The following ZNF438 variants were observed in gnomAD, a reference collection of about 807,000 sequenced individuals.
The protein encoded by ZNF438 is zinc finger protein 438.
ZNF438 carries 25 observed loss-of-function variants against 38.0 expected under a neutral mutation model. That is an observed-to-expected ratio of 0.66 (90% CI 0.48 to 0.92). ZNF438 has a LOEUF of 0.92. ZNF438 is among the 40% of genes least tolerant of loss of function. The pLI is 0.00. For synonymous variants in ZNF438, 372 were observed against 364.1 expected (o/e 1.02, Z -0.25); for missense variants, 1,007 against 999.6 (o/e 1.01, Z -0.10).
chr10:30,890,752 CAG>C (rs2040578493), intron 3 of ZNF438, among the ~76,000 whole-genome samples: 1 of 152,244 alleles, frequency 6.6e-6, no homozygotes, highest in African/African-American at 2.4e-5. Context: ...TCCTCTTCCT[CAG>C]AGACATGCAC....
At chr10:30,934,852 A>G (rs2046070746) in intron 2 of ZNF438, among the ~76,000 whole-genome samples, 1 of 152,234 alleles carries the variant, frequency 6.6e-6, no homozygotes, top group Admixed American at 6.5e-5. Flanking sequence ...ATATGTTGCC[A>G]GGACATTATC....
chr10:30,848,185 ACTCT>A (rs1239806555), intron 5 of ZNF438, among the ~76,000 whole-genome samples: 1 of 152,210 alleles, frequency 6.6e-6, no homozygotes, highest in African/African-American at 2.4e-5. Flanking sequence ...AGACCCACCC[ACTCT>A]GAGTCCCCAA....
intron 1 of ZNF438, among the ~76,000 whole-genome samples, chr10:30,983,450 C>A (rs1188089110): frequency 6.6e-6 from 1 of 152,052 alleles, no homozygotes. Flanking sequence ...GTGTTACACA[C>A]TTTTAAACAA....
chr10:30,951,493 G>A (rs993698104), intron 1 of ZNF438, among the ~76,000 whole-genome samples: 12 of 152,284 alleles, frequency 7.9e-5, no homozygotes, highest in South Asian at 4.1e-4. Context: ...TGTATATCCA[G>A]AAAACCCCAT....
intron 1 of ZNF438, among the ~76,000 whole-genome samples, chr10:31,012,651 A>G (rs2055818757): frequency 1.3e-5 from 2 of 152,104 alleles, no homozygotes; most frequent in Non-Finnish European, 2.9e-5. Flanking sequence ...GACTGCATAC[A>G]CCAACTCTGT....
Position 30,992,220 on chromosome 10 carries a change from C to A in ZNF438, c.-192+39613G>T, listed in dbSNP as rs79648327. ...TTATAGCAACAGAAACAGACTGAGA[C>A]ATAAAATTGGTACCAAGACGTAGGA... On this transcript the variant is annotated intron_variant, in intron 1 of 5. Transcript: ENST00000413025. 1.9e-3 allele frequency among the ~76,000 whole-genome samples: 289 copies of A among 152,198 alleles called. 1 individual carries two copies. Among genetic ancestry groups the A allele is most frequent in the African/African-American group, 6.5e-3 (271 of 41,512 alleles).
chr10:31,027,001 C>G (rs941187936), intron 1 of ZNF438, among the ~76,000 whole-genome samples: 1 of 150,552 alleles, frequency 6.6e-6, no homozygotes, highest in Non-Finnish European at 1.5e-5. Context: ...GACAGAAAAC[C>G]ACACACCACA....
chr10:30,907,950 A>T (rs1379105651), intron 3 of ZNF438, among the ~76,000 whole-genome samples: 1 of 152,046 alleles, frequency 6.6e-6, no homozygotes, highest in African/African-American at 2.4e-5. Context: ...TTTTGAAAAC[A>T]ATAAGGATTT....
intron 3 of ZNF438, among the ~76,000 whole-genome samples, chr10:30,886,300 T>C (rs912107898): frequency 2.6e-5 from 4 of 152,294 alleles, no homozygotes; most frequent in Admixed American, 1.3e-4. Flanking sequence ...TGGATGAACT[T>C]GTAATTCTTA....
chr10:30,976,729 C>T (rs965614635), intron 1 of ZNF438, among the ~76,000 whole-genome samples: 6 of 109,034 alleles, frequency 5.5e-5, no homozygotes, highest in African/African-American at 2.3e-4. Context: ...AAAGCAAGAC[C>T]CTTTATTTAA....
exon 5 of ZNF438, chr10:30,849,094 C>T: frequency 1.2e-6 from 2 of 1,613,966 alleles, no homozygotes; most frequent in Non-Finnish European, 8.5e-7. Flanking sequence ...TAGGTTTGGG[C>T]ATAATGCTAC....
At chr10:30,980,996 G>A (rs1813799504) in intron 1 of ZNF438, among the ~76,000 whole-genome samples, 1 of 152,174 alleles carries the variant, frequency 6.6e-6, no homozygotes, top group South Asian at 2.1e-4. Flanking sequence ...CCTGTCAGCT[G>A]TTCAACTACC....
intron 3 of ZNF438, among the ~76,000 whole-genome samples, chr10:30,880,430 T>TAA (rs60365494): frequency 1.5e-3 from 170 of 111,860 alleles, no homozygotes; most frequent in Admixed American, 2.8e-3. Flanking sequence ...AAATTCTATC[T>TAA]AAAAAAAAAA....
intron 1 of ZNF438, among the ~76,000 whole-genome samples, chr10:31,000,201 T>A (rs185709095): frequency 8.5e-4 from 130 of 152,312 alleles, no homozygotes; most frequent in African/African-American, 3.0e-3. Context: ...CTGCCCAAGC[T>A]TTCTTTTCTC....
At chr10:30,888,679 T>A (rs9417819) in intron 3 of ZNF438, among the ~76,000 whole-genome samples, 118,734 of 152,106 alleles carry the variant, frequency 0.78, 47,118 homozygotes, top group African/African-American at 0.89. Flanking sequence ...TCCAGCTCCA[T>A]CCATGTTCCT....
intron 3 of ZNF438, among the ~76,000 whole-genome samples, chr10:30,892,418 A>G (rs2040808245): frequency 1.3e-5 from 2 of 152,208 alleles, no homozygotes; most frequent in Non-Finnish European, 2.9e-5. Flanking sequence ...TCAAAACTCT[A>G]TCTTATTGTA....
chr10:31,018,003 A>C (rs2056329074), intron 1 of ZNF438, among the ~76,000 whole-genome samples: 1 of 152,240 alleles, frequency 6.6e-6, no homozygotes, highest in Non-Finnish European at 1.5e-5. Context: ...TTGTTGTTGT[A>C]AGGAACTGAG....
At chr10:30,861,050 T>C (rs932809742) in intron 4 of ZNF438, among the ~76,000 whole-genome samples, 3 of 152,158 alleles carry the variant, frequency 2.0e-5, no homozygotes, top group African/African-American at 7.2e-5. Context: ...GCCCCTAAAA[T>C]GGACTAAATG....
Position 30,906,978 on chromosome 10 carries a change from T to G in ZNF438, c.-32+1955A>C, listed in dbSNP as rs2042645663. Among the ~76,000 whole-genome samples, 3 of 152,226 alleles carry G rather than the reference T, an allele frequency of 2.0e-5. 1 individual carries two copies. On this transcript the variant is annotated intron_variant, in intron 3 of 5. Coordinates refer to ENST00000413025, the Ensembl canonical transcript of ZNF438. ...TTTTCCAGTATTTTGTTGAGAATTT[T>G]TCTTTGTTAGTTTAAGACATAGTCT... is the stretch of plus-strand genomic sequence containing the variant.
Sources: allele counts gnomAD v4.1 joint callset (sites outside exome capture counted in the v4.1 genomes callset), GRCh38; gene constraint gnomAD v4.1.1; transcripts MANE v1.5; gene names NCBI Gene and HGNC (gene_info 2026-07-23, HGNC 2026-07-21).